Variants in TSC22D1 observed in about 807,000 individuals in gnomAD.
TSC22D1 encodes the protein TSC22 domain family protein 1.
In TSC22D1, 9 loss-of-function variants were observed where a neutral mutation model predicts 74.2. That is an observed-to-expected ratio of 0.12 (90% CI 0.07 to 0.21). The LOEUF (loss-of-function observed/expected upper bound fraction) is 0.21. TSC22D1 is among the 10% of genes least tolerant of loss of function. The pLI is 1.00. For synonymous variants in TSC22D1, 586 were observed against 492.5 expected (o/e 1.19, Z -2.51); for missense variants, 1,427 against 1,304.7 (o/e 1.09, Z -1.44).
At chr13:44,551,389 GGTGTGT>G (rs376368576) in intron 1 of TSC22D1, among the ~76,000 whole-genome samples, 6,009 of 125,226 alleles carry the variant, frequency 0.048, 343 homozygotes, top group African/African-American at 0.14. Flanking sequence ...CAATCAGATG[GGTGTGT>G]GTGTGTGTGT....
chr13:44,534,088 T>A (rs899595883), intron 1 of TSC22D1, among the ~76,000 whole-genome samples: 9 of 151,680 alleles, frequency 5.9e-5, no homozygotes, highest in Non-Finnish European at 1.3e-4. Context: ...ATTAGCTGGG[T>A]ATGGTGGTGC....
Position 44,575,986 on chromosome 13 carries a change from C to T in TSC22D1, c.89G>A (p.Arg30Gln), listed in dbSNP as rs199563545. The T allele has an allele frequency of 3.1e-5, 49 of 1,599,632 alleles. No homozygotes were observed. In the African/African-American group the frequency reaches 6.6e-4, roughly 21 times the overall value. The change falls in exon 1 of 3, where the codon CGA (arginine) becomes CAA (glutamine). Residue 30 changes from arginine to glutamine, a missense_variant. Transcript: ENST00000458659. ...GGCGCTGCCACTACCGCTGCCCCTT[C>T]GAGGGAACATTGCCGGGTGCGCCAT... ...RKMAHPAMFP[R>Q]RGSGSGSASA... is the part of the protein sequence containing the mutation.
intron 1 of TSC22D1, among the ~76,000 whole-genome samples, chr13:44,455,967 T>C (rs796877705): frequency 2.6e-5 from 4 of 152,304 alleles, no homozygotes; most frequent in African/African-American, 4.8e-5. Flanking sequence ...ACCATTGATA[T>C]GCAGTAAAGA....
intron 1 of TSC22D1, among the ~76,000 whole-genome samples, chr13:44,493,351 C>T (rs1878812255): frequency 6.6e-6 from 1 of 152,162 alleles, no homozygotes; most frequent in Non-Finnish European, 1.5e-5. Context: ...CTGGGGACAA[C>T]CTTCAGGCCT....
At chr13:44,509,501 G>A (rs1340725371) in intron 1 of TSC22D1, among the ~76,000 whole-genome samples, 5 of 152,170 alleles carry the variant, frequency 3.3e-5, no homozygotes, top group African/African-American at 4.8e-5. Context: ...TGAGCCGGAC[G>A]TGGTGGCGGG....
chr13:44,559,296 A>G (rs1392332829), intron 1 of TSC22D1, among the ~76,000 whole-genome samples: 2 of 152,186 alleles, frequency 1.3e-5, no homozygotes, highest in African/African-American at 4.8e-5. Flanking sequence ...CTCACACCAC[A>G]CCTTGTACCC....
At chr13:44,525,036 G>T (rs1217917384) in intron 1 of TSC22D1, among the ~76,000 whole-genome samples, 1 of 152,166 alleles carries the variant, frequency 6.6e-6, no homozygotes, top group African/African-American at 2.4e-5. Context: ...CCAACAGCGG[G>T]TATATCAAAG....
At chr13:44,551,042 A>G (rs776527801) in intron 1 of TSC22D1, among the ~76,000 whole-genome samples, 1 of 151,502 alleles carries the variant, frequency 6.6e-6, no homozygotes, top group Non-Finnish European at 1.5e-5. Context: ...GGGGAAATTG[A>G]GGCTGCAGTG....
intron 1 of TSC22D1, among the ~76,000 whole-genome samples, chr13:44,466,288 G>A (rs761663311): frequency 3.3e-5 from 5 of 152,308 alleles, no homozygotes; most frequent in South Asian, 2.1e-4. Flanking sequence ...TATTCAGTGC[G>A]ACTTAGCACA....
At chr13:44,500,044 G>A (rs1049255741) in intron 1 of TSC22D1, among the ~76,000 whole-genome samples, 6 of 149,024 alleles carry the variant, frequency 4.0e-5, no homozygotes, top group Non-Finnish European at 5.9e-5. Flanking sequence ...CTGAGATGGC[G>A]CCCACTGCAC....
intron 1 of TSC22D1, among the ~76,000 whole-genome samples, chr13:44,567,912 T>C (rs1883489724): frequency 6.6e-6 from 1 of 151,776 alleles, no homozygotes; most frequent in South Asian, 2.1e-4. Flanking sequence ...TTCAGAACAC[T>C]GGAAACATAA....
At chr13:44,524,067 A>G (rs1361518147) in intron 1 of TSC22D1, among the ~76,000 whole-genome samples, 1 of 152,200 alleles carries the variant, frequency 6.6e-6, no homozygotes, top group African/African-American at 2.4e-5. Flanking sequence ...TACATAATAA[A>G]AGATGCATGA....
chr13:44,463,442 G>A (rs964936387), intron 1 of TSC22D1, among the ~76,000 whole-genome samples: 3 of 152,178 alleles, frequency 2.0e-5, no homozygotes, highest in African/African-American at 4.8e-5. Flanking sequence ...ATTACTGGTT[G>A]ACTTTGAATT....
In TSC22D1 at chr13:44,573,602, G is replaced by C; in HGVS notation, c.2473C>G (p.Pro825Ala). The change falls in exon 1 of 3, where the codon CCC becomes GCC. Residue 825 changes from proline (P) to alanine (A), a missense_variant. Coordinates refer to ENST00000458659, the MANE Select transcript of TSC22D1 (RefSeq NM_183422.4). ...GTAACAGAAATACTACTAGCAGAGG[G>C]CAAAGAACTAACTGCAGGCAACTGC... ...SQQLPAVSSL[P>A]SASSISVTSQ... 1 of 1,614,232 alleles carries C rather than the reference G, an allele frequency of 6.2e-7. No individual in the cohort carries two copies. The highest frequency in any genetic ancestry group is 2.2e-5 in the East Asian group (1 of 44,888).
chr13:44,522,433 A>G (rs962834785), intron 1 of TSC22D1, among the ~76,000 whole-genome samples: 1 of 152,224 alleles, frequency 6.6e-6, no homozygotes, highest in Admixed American at 6.5e-5. Flanking sequence ...AACAGGGATC[A>G]ACAGATAAGG....
At chr13:44,532,523 G>A (rs771990086) in intron 1 of TSC22D1, among the ~76,000 whole-genome samples, 5 of 152,100 alleles carry the variant, frequency 3.3e-5, no homozygotes, top group Admixed American at 6.5e-5. Flanking sequence ...GCCCAGGCTG[G>A]AGTGCAGTGG....
At position 44,517,804 on chromosome 13, in the gene TSC22D1, CAT is replaced by C. The variant is rs1265349528; in HGVS notation, c.2912+55357_2912+55358del. Among the ~76,000 whole-genome samples the C allele has an allele frequency of 7.0e-3, 313 of 44,482 alleles. 12 individuals are homozygous for C. The highest frequency in any genetic ancestry group is 0.05 in the Middle Eastern group (3 of 60). The allele number at this position is 44,482 out of a possible 152,430, so 29.2% of individuals were successfully genotyped here. ...ACATATATATACATATATATACACA[CAT>C]ATATATGTGTGTGTGTGTGTGTGTA... On this transcript the variant is annotated intron_variant, in intron 1 of 2. Transcript: ENST00000458659.
intron 1 of TSC22D1, among the ~76,000 whole-genome samples, chr13:44,525,138 T>C (rs1355886984): frequency 6.6e-6 from 1 of 152,064 alleles, no homozygotes; most frequent in Non-Finnish European, 1.5e-5. Context: ...CTGAGAAGCA[T>C]TTGTAAAGGT....
intron 1 of TSC22D1, among the ~76,000 whole-genome samples, chr13:44,496,088 A>G (rs1424334134): frequency 6.6e-6 from 1 of 152,248 alleles, no homozygotes; most frequent in Admixed American, 6.5e-5. Flanking sequence ...TCTAGAATAC[A>G]TAAAGAACTC....
Sources: gnomAD v4.1 joint callset for allele counts (sites outside exome capture counted in the v4.1 genomes callset) on GRCh38, gnomAD v4.1.1 for gene constraint, MANE v1.5 for transcripts, NCBI Gene and HGNC (gene_info 2026-07-23, HGNC 2026-07-21) for gene names.